SIL1: variants seen among roughly 807,000 people sequenced by gnomAD.
SIL1 encodes the protein nucleotide exchange factor SIL1.
A neutral mutation model predicts 49.1 loss-of-function variants in SIL1; 40 were observed. That is an observed-to-expected ratio of 0.81 (90% CI 0.63 to 1.06). The LOEUF (loss-of-function observed/expected upper bound fraction) is 1.06, where lower values mean the gene tolerates loss of function less well. Ranked by LOEUF, SIL1 falls within the 50% of genes least tolerant of loss-of-function variation. The pLI, the probability that SIL1 is intolerant of heterozygous loss-of-function variation, is 0.00. For missense variants in SIL1, 500 were observed against 572.6 expected, an observed-to-expected ratio of 0.87 and a Z score of 1.29; for synonymous variants, 253 against 250.8, an observed-to-expected ratio of 1.01 and a Z score of -0.08.
At chr5:139,063,688 T>C (rs1206645031) in intron 3 of SIL1, among the ~76,000 whole-genome samples, 1 of 152,220 alleles carries the variant, frequency 6.6e-6, no homozygotes, top group Non-Finnish European at 1.5e-5. Flanking sequence ...AATGTGTCTG[T>C]TTCCCAGAGG....
chr5:139,106,542 T>G (rs931798627), intron 3 of SIL1, among the ~76,000 whole-genome samples: 4 of 152,156 alleles, frequency 2.6e-5, no homozygotes, highest in African/African-American at 9.7e-5. Flanking sequence ...ACAAAGAATG[T>G]TTTTTAGCAT....
intron 1 of SIL1, among the ~76,000 whole-genome samples, chr5:139,150,164 C>G (rs1324233259): frequency 6.6e-6 from 1 of 152,166 alleles, no homozygotes. Flanking sequence ...CCCATAGTGG[C>G]CTAAACCCCA....
chr5:138,994,202 AAC>A (rs1317346735), intron 7 of SIL1, among the ~76,000 whole-genome samples: 5 of 152,246 alleles, frequency 3.3e-5, no homozygotes, highest in Admixed American at 6.5e-5. Flanking sequence ...ATTGAAAAGA[AAC>A]AAAATTATTT....
intron 3 of SIL1, among the ~76,000 whole-genome samples, chr5:139,088,241 CT>C (rs1463878704): frequency 6.6e-6 from 1 of 152,234 alleles, no homozygotes; most frequent in African/African-American, 2.4e-5. Flanking sequence ...GTGCCCTTTC[CT>C]TTTTGTCATT....
chr5:138,996,322 G>A (rs1347525188), intron 7 of SIL1, among the ~76,000 whole-genome samples: 1 of 152,068 alleles, frequency 6.6e-6, no homozygotes, highest in Admixed American at 6.6e-5. Context: ...CCATGTGTAT[G>A]TCTTCTTTTG....
chr5:139,109,776 CTGTCT>C (rs1375875471), intron 3 of SIL1, among the ~76,000 whole-genome samples: 3 of 141,690 alleles, frequency 2.1e-5, no homozygotes, highest in Non-Finnish European at 3.1e-5. Flanking sequence ...TATTTCCCCT[CTGTCT>C]TTTTTTTTTT....
chr5:139,025,610 C>A (rs1768628699), intron 6 of SIL1, among the ~76,000 whole-genome samples: 1 of 152,100 alleles, frequency 6.6e-6, no homozygotes, highest in Admixed American at 6.5e-5. Flanking sequence ...CATGATATCT[C>A]CAACCTCACC....
intron 7 of SIL1, among the ~76,000 whole-genome samples, chr5:138,958,028 G>C (rs1429552401): frequency 6.6e-6 from 1 of 151,700 alleles, no homozygotes; most frequent in Non-Finnish European, 1.5e-5. Flanking sequence ...TAAAACGTTG[G>C]GATTACCGGC....
chr5:139,163,830 C>T (rs1299704576), intron 1 of SIL1, among the ~76,000 whole-genome samples: 2 of 152,068 alleles, frequency 1.3e-5, no homozygotes, highest in Non-Finnish European at 2.9e-5. Context: ...TAGATATTAT[C>T]ATCTCACCTA....
intron 7 of SIL1, among the ~76,000 whole-genome samples, chr5:138,957,414 T>TAAAAAAAAAAAA (rs58144526): frequency 1.1e-5 from 1 of 91,460 alleles, no homozygotes. Context: ...TCTGCAAAAG[T>TAAAAAAAAAAAA]AAAAAAAAAA....
intron 7 of SIL1, among the ~76,000 whole-genome samples, chr5:138,986,543 T>C (rs1581007888): frequency 6.6e-6 from 1 of 152,232 alleles, no homozygotes; most frequent in East Asian, 1.9e-4. Context: ...TCTGGGTTAT[T>C]GTGACCCTTT....
intron 3 of SIL1, among the ~76,000 whole-genome samples, chr5:139,114,859 G>A (rs780586560): frequency 1.3e-5 from 2 of 151,996 alleles, no homozygotes; most frequent in Non-Finnish European, 2.9e-5. Flanking sequence ...CACTGTGCTT[G>A]AGCCAGGGTG....
chr5:139,126,306 T>C (rs1398771272), intron 2 of SIL1, among the ~76,000 whole-genome samples: 1 of 152,220 alleles, frequency 6.6e-6, no homozygotes, highest in Non-Finnish European at 1.5e-5. Context: ...CTAATATAAA[T>C]GGGCCAGAAT....
chr5:139,008,138 C>T (rs1156596164), intron 7 of SIL1, among the ~76,000 whole-genome samples: 1 of 150,826 alleles, frequency 6.6e-6, no homozygotes, highest in African/African-American at 2.4e-5. Context: ...ACAATTTCAG[C>T]TCCTGTTATT....
At chr5:138,955,087 G>A (rs768476851) in intron 7 of SIL1, among the ~76,000 whole-genome samples, 18 of 152,142 alleles carry the variant, frequency 1.2e-4, no homozygotes, top group Non-Finnish European at 2.1e-4. Context: ...CCAGAGCTGC[G>A]GCCCACCCCT....
chr5:138,962,341 C>T (rs1048001249), intron 7 of SIL1, among the ~76,000 whole-genome samples: 5 of 151,846 alleles, frequency 3.3e-5, no homozygotes, highest in African/African-American at 1.2e-4. Context: ...AAGCCCAAAC[C>T]CAGGAAGCAA....
At chr5:139,102,761 C>T (rs1770620865) in intron 3 of SIL1, among the ~76,000 whole-genome samples, 1 of 149,880 alleles carries the variant, frequency 6.7e-6, no homozygotes, top group African/African-American at 2.5e-5. Flanking sequence ...GTTGCCCAGG[C>T]TGGAGTGCAA....
Position 139,169,920 on chromosome 5 carries a change from G to A in SIL1, c.-11+28349C>T, listed in dbSNP as rs1354344949. On this transcript the variant is annotated intron_variant, in intron 1 of 9. Transcript: ENST00000394817. ...CACAGTCTCCCTCTGATGCCGAGCC[G>A]AAGCTGGACTGTACTGCTGCCATCT... Among the ~76,000 whole-genome samples, 11 of 130,686 alleles carry A rather than the reference G, an allele frequency of 8.4e-5. No individual in the cohort carries two copies. The East Asian group carries it at 1.4e-3, about 17-fold the overall frequency. The allele number at this position is 130,686 out of a possible 152,430, so 85.7% of individuals were successfully genotyped here. A position where few individuals can be genotyped will look rare whatever the true frequency, so the allele number is the denominator to read the frequency against.
chr5:139,144,801 G>A (rs1360380552), intron 1 of SIL1, among the ~76,000 whole-genome samples: 4 of 152,072 alleles, frequency 2.6e-5, no homozygotes, highest in African/African-American at 9.7e-5. Flanking sequence ...AACCCGGGAG[G>A]TGGAGGTTGC....
Sources: gnomAD v4.1 joint callset for allele counts (sites outside exome capture counted in the v4.1 genomes callset) on GRCh38, gnomAD v4.1.1 for gene constraint, MANE v1.5 for transcripts, NCBI Gene and HGNC (gene_info 2026-07-23, HGNC 2026-07-21) for gene names.